The following MSRB2 variants were observed in gnomAD, a reference collection of about 807,000 sequenced individuals.
MSRB2 encodes methionine sulfoxide reductase B2, also known as methionine-R-sulfoxide reductase B2, mitochondrial.
Under a neutral mutation model 19.0 loss-of-function variants are expected in MSRB2, and 17 were observed. The observed-to-expected ratio is 0.89, with a 90% confidence interval of 0.61 to 1.34. The LOEUF (loss-of-function observed/expected upper bound fraction) is 1.34, where lower values mean the gene tolerates loss of function less well. Ranked by LOEUF, MSRB2 falls within the 40% of genes most tolerant of loss-of-function variation. The pLI is 0.00. For missense variants in MSRB2, 208 were observed against 237.6 expected, an observed-to-expected ratio of 0.88 and a Z score of 0.82; for synonymous variants, 107 against 99.7, an observed-to-expected ratio of 1.07 and a Z score of -0.44.
intron 2 of MSRB2, among the ~76,000 whole-genome samples, chr10:23,105,315 T>C (rs1171009518): frequency 6.6e-6 from 1 of 152,084 alleles, no homozygotes; most frequent in Non-Finnish European, 1.5e-5. Flanking sequence ...TCAGGGTATT[T>C]AGGGTGTCTG....
intron 3 of MSRB2, among the ~76,000 whole-genome samples, chr10:23,111,167 C>G (rs967868687): frequency 3.9e-5 from 6 of 152,234 alleles, no homozygotes; most frequent in African/African-American, 1.2e-4. Flanking sequence ...CCGGACCCGC[C>G]TGCAAGGATG....
intron 2 of MSRB2, among the ~76,000 whole-genome samples, chr10:23,106,888 G>T (rs1164173278): frequency 6.6e-6 from 1 of 152,200 alleles, no homozygotes; most frequent in Non-Finnish European, 1.5e-5. Context: ...TCTTGAGTGT[G>T]TCATCTGTTT....
At chr10:23,097,219 C>CA (rs3838758) in intron 1 of MSRB2, among the ~76,000 whole-genome samples, 1 of 151,774 alleles carries the variant, frequency 6.6e-6, no homozygotes, top group African/African-American at 2.4e-5. Context: ...AAATGATAAA[C>CA]GGAGTATTTC....
rs1383169718 is a variant in MSRB2 at position 23,104,186 on chromosome 10, G to A, written c.161G>A (p.Trp54Ter). 3.7e-6 allele frequency: 6 copies of A among 1,613,904 alleles called. No homozygotes were observed. The highest frequency in any genetic ancestry group is 1.1e-5 in the South Asian group (1 of 91,040). Residue 54 changes from tryptophan (W) to a stop codon, truncating the protein, a stop_gained, in exon 2 of 5, where the codon TGG (tryptophan) becomes TAG (stop). Coordinates refer to ENST00000376510, the MANE Select transcript of MSRB2 (RefSeq NM_012228.4). LOFTEE classifies it high-confidence loss of function. ...GAGCTGCCTCTTGCCAAGAGTGAGT[G>A]GCAAAAGAAACTAACCCCGGAGCAG... Reference protein sequence around the residue: ...TCELPLAKSEWQKKLTPEQFY... With the variant: ...TCELPLAKSE
intron 2 of MSRB2, among the ~76,000 whole-genome samples, chr10:23,108,149 G>A (rs1055474592): frequency 1.3e-5 from 2 of 152,054 alleles, no homozygotes; most frequent in Non-Finnish European, 2.9e-5. Flanking sequence ...GTAGAGATGG[G>A]GTTTCACCAT....
At chr10:23,096,336 G>A (rs548271442) in intron 1 of MSRB2, among the ~76,000 whole-genome samples, 1 of 118,700 alleles carries the variant, frequency 8.4e-6, no homozygotes, top group Admixed American at 8.8e-5. Flanking sequence ...CTGTGTGTGT[G>A]TGTCTCTCTC....
chr10:23,096,352 C>CTCTCTCTGTGTGTG (rs144653384), intron 1 of MSRB2, among the ~76,000 whole-genome samples: 20 of 142,832 alleles, frequency 1.4e-4, no homozygotes, highest in African/African-American at 2.2e-4. Flanking sequence ...CTCTCTCTCT[C>CTCTCTCTGTGTGTG]TGTGTGTGTG....
intron 1 of MSRB2, among the ~76,000 whole-genome samples, chr10:23,096,661 A>G (rs1343148842): frequency 6.6e-6 from 1 of 152,190 alleles, no homozygotes; most frequent in Admixed American, 6.5e-5. Context: ...GAAATGCAAT[A>G]TTGAAAGAAT....
chr10:23,109,218 G>T (rs1840018184), intron 2 of MSRB2, among the ~76,000 whole-genome samples: 2 of 152,060 alleles, frequency 1.3e-5, no homozygotes, highest in Non-Finnish European at 2.9e-5. Context: ...CTTTGACAGG[G>T]GAGATGACAA....
At chr10:23,099,064 T>G (rs1326633453) in intron 1 of MSRB2, among the ~76,000 whole-genome samples, 1 of 152,184 alleles carries the variant, frequency 6.6e-6, no homozygotes, top group Non-Finnish European at 1.5e-5. Flanking sequence ...CCCCTCTTAA[T>G]GGCCTCATTT....
chr10:23,107,628 C>T (rs923292151), intron 2 of MSRB2, among the ~76,000 whole-genome samples: 2 of 152,184 alleles, frequency 1.3e-5, no homozygotes, highest in Non-Finnish European at 2.9e-5. Context: ...ACAGCGCTAC[C>T]CGAACTCCAT....
chr10:23,103,792 C>A (rs1357514330), intron 1 of MSRB2, among the ~76,000 whole-genome samples: 2 of 152,196 alleles, frequency 1.3e-5, no homozygotes, highest in African/African-American at 4.8e-5. Flanking sequence ...CTGACAGCAA[C>A]TGCTCCTCTA....
intron 2 of MSRB2, among the ~76,000 whole-genome samples, chr10:23,106,756 G>A (rs1295492102): frequency 6.6e-6 from 1 of 152,188 alleles, no homozygotes; most frequent in Non-Finnish European, 1.5e-5. Context: ...CACAGGCCTA[G>A]TGGAGGCCAT....
intron 1 of MSRB2, among the ~76,000 whole-genome samples, chr10:23,103,767 A>G (rs768965586): frequency 6.6e-6 from 1 of 152,260 alleles, no homozygotes; most frequent in East Asian, 1.9e-4. Context: ...TGCCTCAACT[A>G]CTTCTGGCTA....
At chr10:23,108,995 C>T (rs554468030) in intron 2 of MSRB2, among the ~76,000 whole-genome samples, 4 of 152,292 alleles carry the variant, frequency 2.6e-5, no homozygotes, top group Non-Finnish European at 5.9e-5. Flanking sequence ...GTTAATACTA[C>T]CACAGGGAAT....
chr10:23,108,253 T>C (rs998105362), intron 2 of MSRB2, among the ~76,000 whole-genome samples: 1 of 152,040 alleles, frequency 6.6e-6, no homozygotes, highest in Non-Finnish European at 1.5e-5. Flanking sequence ...CCACCGCACC[T>C]GGCCTTCACT....
chr10:23,113,422 A>T (rs1378044033), intron 3 of MSRB2, among the ~76,000 whole-genome samples: 1 of 152,094 alleles, frequency 6.6e-6, no homozygotes, highest in African/African-American at 2.4e-5. Flanking sequence ...ATTCCTATTA[A>T]TTTATCAGTA....
intron 2 of MSRB2, among the ~76,000 whole-genome samples, chr10:23,105,743 C>G (rs1339411810): frequency 6.6e-6 from 1 of 152,172 alleles, no homozygotes; most frequent in Non-Finnish European, 1.5e-5. Flanking sequence ...TTTGTCAGCA[C>G]CTGCAAAACT....
At chr10:23,115,181 T>C (rs1840098435) in intron 3 of MSRB2, among the ~76,000 whole-genome samples, 1 of 152,150 alleles carries the variant, frequency 6.6e-6, no homozygotes, top group Non-Finnish European at 1.5e-5. Context: ...GAATGTGTTG[T>C]CACACTCCTA....
Sources: allele counts gnomAD v4.1 joint callset (sites outside exome capture counted in the v4.1 genomes callset), GRCh38; gene constraint gnomAD v4.1.1; transcripts MANE v1.5; gene names NCBI Gene and HGNC (gene_info 2026-07-23, HGNC 2026-07-21).